BEST3: variants seen among roughly 807,000 people sequenced by gnomAD.
The protein encoded by BEST3 is bestrophin 3.
A neutral mutation model predicts 47.1 loss-of-function variants in BEST3; 50 were observed. The ratio of observed to expected loss-of-function variants is 1.06; its 90% CI spans 0.85 to 1.34. BEST3 has a LOEUF of 1.34. Among genes scored for constraint, BEST3 ranks in the 40% most tolerant of loss-of-function variants. The probability of loss-of-function intolerance (pLI) is 0.00; values close to 1 mark genes in which losing one functional copy is unlikely to be tolerated. For missense variants in BEST3, 765 were observed against 817.0 expected (o/e 0.94, Z 0.78); for synonymous variants, 282 against 298.8 (o/e 0.94, Z 0.58).
Position 69,654,048 on chromosome 12 carries a change from C to A in BEST3, c.*859G>T, listed in dbSNP as rs1056077709. On this transcript the variant is annotated 3_prime_UTR_variant, in exon 10 of 10. Coordinates refer to ENST00000330891, the MANE Select transcript of BEST3 (RefSeq NM_032735.3). ...ATGGCTGCAAGGGCACGGGGGGAAC[C>A]ATCACTCCTATATGCCTTCCACTGG... 1.0e-6 allele frequency: 1 copy of A among 985,432 alleles called. No homozygotes were observed. Among genetic ancestry groups the A allele is most frequent in the Non-Finnish European group, 1.2e-6 (1 of 829,940 alleles). 61.0% of individuals were successfully genotyped at this position (985,432 alleles called of 1,614,324 possible).
chr12:69,671,362 A>G, intron 9 of BEST3, 66 bp downstream of exon 9: 1 of 1,338,096 alleles, frequency 7.5e-7, no homozygotes, highest in East Asian at 2.5e-5. Flanking sequence ...TTTTTTTTAT[A>G]GAGACAAGGT....
At chr12:69,684,643 C>A in intron 4 of BEST3, 1 of 624,592 alleles carries the variant, frequency 1.6e-6, no homozygotes, top group Non-Finnish European at 3.1e-6. Flanking sequence ...GCATCTGAGC[C>A]CTTCTCCAAG....
At position 69,684,548 on chromosome 12, in the gene BEST3, A is replaced by G. The variant is rs202198159; in HGVS notation, c.482-5655T>C. On this transcript the variant is annotated intron_variant, in intron 4 of 9. Coordinates refer to ENST00000330891, the MANE Select transcript of BEST3 (RefSeq NM_032735.3). The stretch of plus-strand genomic sequence containing the variant: ...TATTCAAACGAGGCTCTATTAGCAG[A>G]GGAACTAAAAGCTCTGCATCTCAAA... The G allele has an allele frequency of 9.9e-4, 669 of 673,186 alleles. 1 individual carries two copies. Among genetic ancestry groups the G allele is most frequent in the Non-Finnish European group, 1.2e-3 (429 of 351,126 alleles). The allele number at this position is 673,186 out of a possible 1,614,324, so 41.7% of individuals were successfully genotyped here.
chr12:69,653,402 A>G (rs1270232353), downstream of BEST3, among the ~76,000 whole-genome samples: 7 of 152,354 alleles, frequency 4.6e-5, no homozygotes, highest in African/African-American at 1.7e-4. Flanking sequence ...CAGGGCAGTG[A>G]GAAAGCATAG....
At chr12:69,644,658 T>G (rs1365289537) in intron 9 of BEST3, among the ~76,000 whole-genome samples, 1 of 152,182 alleles carries the variant, frequency 6.6e-6, no homozygotes, top group Non-Finnish European at 1.5e-5. Flanking sequence ...TTGGCTAGCT[T>G]ATTTGATAGG....
chr12:69,698,690 G>C (rs1886221107), intron 1 of BEST3, among the ~76,000 whole-genome samples: 1 of 152,160 alleles, frequency 6.6e-6, no homozygotes, highest in Non-Finnish European at 1.5e-5. Context: ...TTCTGTAGCA[G>C]ATTTCTTTTG....
intron 4 of BEST3, among the ~76,000 whole-genome samples, chr12:69,680,523 T>TG (rs549768046): frequency 0.02 from 3,004 of 152,070 alleles, 50 homozygotes; most frequent in South Asian, 0.054. Flanking sequence ...TTAGCCAGGA[T>TG]GTCTCAATCT....
chr12:69,652,936 G>C (rs967754353), downstream of BEST3, among the ~76,000 whole-genome samples: 1 of 152,176 alleles, frequency 6.6e-6, no homozygotes, highest in Non-Finnish European at 1.5e-5. Context: ...GAATAACGGG[G>C]CTTTCCCAGA....
intron 9 of BEST3, among the ~76,000 whole-genome samples, chr12:69,658,875 T>C (rs1016494826): frequency 1.4e-4 from 22 of 152,140 alleles, no homozygotes; most frequent in Admixed American, 3.9e-4. Flanking sequence ...TGAAGAGTCG[T>C]ATACCAGGTT....
chr12:69,655,525 G>C lies in BEST3; in HGVS notation c.1389C>G (p.His463Gln). Residue 463 changes from histidine to glutamine, a missense_variant, in exon 10 of 10, where the codon CAC becomes CAG. Transcript: ENST00000330891. ...SCFPEGSPTL[H>Q]FSMGELSTIR... Reference sequence around the variant, plus strand: ...TGGTGGACAGCTCTCCCATGCTGAAGTGCAGCGTGGGGCTTCCTTCTGGGA... The same window carrying C: ...TGGTGGACAGCTCTCCCATGCTGAACTGCAGCGTGGGGCTTCCTTCTGGGA... 6.2e-7 allele frequency: 1 copy of C among 1,614,140 alleles called. No homozygotes were observed. Among genetic ancestry groups the C allele is most frequent in the Non-Finnish European group, 8.5e-7 (1 of 1,180,008 alleles).
At chr12:69,671,833 A>G (rs1884596559) in intron 8 of BEST3, among the ~76,000 whole-genome samples, 1 of 152,032 alleles carries the variant, frequency 6.6e-6, no homozygotes, top group South Asian at 2.1e-4. Flanking sequence ...CAAACCACAC[A>G]CTCTAGAGTG....
chr12:69,697,330 T>G (rs1439230569), intron 2 of BEST3, among the ~76,000 whole-genome samples: 8 of 152,210 alleles, frequency 5.3e-5, no homozygotes, highest in Non-Finnish European at 8.8e-5. Context: ...CTGTGGACTT[T>G]GCCCATTCAA....
intron 9 of BEST3, among the ~76,000 whole-genome samples, chr12:69,645,764 A>G (rs1252420182): frequency 6.7e-6 from 1 of 150,362 alleles, no homozygotes; most frequent in East Asian, 2.0e-4. Flanking sequence ...GATATATATA[A>G]AACACCAGGC....
intron 9 of BEST3, chr12:69,669,904 A>C (rs763430848): frequency 6.6e-6 from 1 of 152,352 alleles, no homozygotes; most frequent in Non-Finnish European, 1.5e-5. Context: ...TATCTTAACC[A>C]TGGGGTAACA....
At chr12:69,688,629 A>G (rs12299618) in intron 4 of BEST3, among the ~76,000 whole-genome samples, 40,369 of 152,108 alleles carry the variant, frequency 0.27, 6,690 homozygotes, top group African/African-American at 0.47. Flanking sequence ...GCCAGCCAAG[A>G]AATTGCCAGA....
intron 9 of BEST3, among the ~76,000 whole-genome samples, chr12:69,646,675 A>C (rs1883047080): frequency 6.6e-6 from 1 of 152,330 alleles, no homozygotes; most frequent in Non-Finnish European, 1.5e-5. Flanking sequence ...TAGCCTCTGC[A>C]TCAGGGCCAG....
chr12:69,686,106 C>T (rs1270495215), intron 4 of BEST3, among the ~76,000 whole-genome samples: 1 of 151,646 alleles, frequency 6.6e-6, no homozygotes, highest in Admixed American at 6.6e-5. Context: ...ATACCACTAT[C>T]CCCTTGGCTC....
At chr12:69,682,783 C>T (rs983274347) in intron 4 of BEST3, among the ~76,000 whole-genome samples, 1 of 152,066 alleles carries the variant, frequency 6.6e-6, no homozygotes, top group African/African-American at 2.4e-5. Context: ...CACCATGTTG[C>T]CAGGCTGGTC....
Position 69,671,638 on chromosome 12 carries a change from G to C in BEST3, c.949-59C>G, listed in dbSNP as rs1006674375. ...GATGTAAATTAAATAAAAAGGAGAA[G>C]TTTTTTTGGGCAGATGAGAGTTAGA... On this transcript the variant is annotated intron_variant, in intron 8 of 9. Transcript: ENST00000330891. The C allele has an allele frequency of 6.5e-6, 10 of 1,543,076 alleles. No homozygotes were observed. In the East Asian group the frequency reaches 2.0e-4, roughly 31 times the overall value.
Sources: gnomAD v4.1 joint callset for allele counts (sites outside exome capture counted in the v4.1 genomes callset) on GRCh38, gnomAD v4.1.1 for gene constraint, MANE v1.5 for transcripts, NCBI Gene and HGNC (gene_info 2026-07-23, HGNC 2026-07-21) for gene names.